SLC15A4: variants seen among roughly 807,000 people sequenced by gnomAD.
SLC15A4 encodes the protein solute carrier family 15 member 4.
Under a neutral mutation model 46.1 loss-of-function variants are expected in SLC15A4, and 26 were observed. That is an observed-to-expected ratio of 0.56 (90% confidence interval 0.41 to 0.78). SLC15A4 has a LOEUF of 0.78. SLC15A4 is among the 30% of genes least tolerant of loss of function. The pLI is 0.00. For missense variants in SLC15A4, 751 were observed against 755.7 expected, an observed-to-expected ratio of 0.99 and a Z score of 0.07; for synonymous variants, 370 against 333.4, an observed-to-expected ratio of 1.11 and a Z score of -1.20.
chr12:128,800,094 C>T (rs1435277808), intron 6 of SLC15A4, among the ~76,000 whole-genome samples: 4 of 152,254 alleles, frequency 2.6e-5, no homozygotes, highest in Non-Finnish European at 5.9e-5. Context: ...CCACCCGCCT[C>T]GGATTCCTAA....
chr12:128,817,296 CA>C (rs763706874), intron 1 of SLC15A4, among the ~76,000 whole-genome samples: 5 of 152,086 alleles, frequency 3.3e-5, no homozygotes, highest in Non-Finnish European at 5.9e-5. Context: ...CAGTGGACAC[CA>C]ATTCTCATGC....
rs1296607467 is a variant in SLC15A4 at position 128,823,431 on chromosome 12, G to C, written c.513C>G (p.Val171=). Residue 171 remains valine, a synonymous_variant, in exon 1 of 8, where the codon GTC becomes GTG. Coordinates refer to ENST00000266771, the MANE Select transcript of SLC15A4 (RefSeq NM_145648.4). ...CGCCGAAGGGCGTGATGTTGGCCTTGACGGTGGCCACGCCCAGGCCCACCA... is the reference window on the plus strand; with the variant it reads ...CGCCGAAGGGCGTGATGTTGGCCTTCACGGTGGCCACGCCCAGGCCCACCA... ...LVLVGLGVAT[V]KANITPFGAD... is the part of the protein sequence containing the mutation. The C allele has an allele frequency of 6.8e-7, 1 of 1,461,094 alleles. No homozygotes were observed. 90.5% of individuals were successfully genotyped at this position (1,461,094 alleles called of 1,614,324 possible).
Position 128,794,216 on chromosome 12 carries a change from G to A in SLC15A4, c.1714C>T (p.Pro572Ser). The change falls in exon 8 of 8, where the codon CCC (proline) becomes TCC (serine). Residue 572 changes from proline to serine, a missense_variant. Transcript: ENST00000266771. ...GAAGGTCAGGCCCTCCTGCTGGTGG[G>A]CACGCCATTGGCTCTTGATCGCTGA... Reference protein sequence around the residue: ...DHQRSRANGVPTSRRA With the variant: ...DHQRSRANGVSTSRRA The A allele has an allele frequency of 6.2e-7, 1 of 1,612,382 alleles. No homozygotes were observed. Among genetic ancestry groups the A allele is most frequent in the Non-Finnish European group, 8.5e-7 (1 of 1,179,066 alleles).
intron 1 of SLC15A4, among the ~76,000 whole-genome samples, chr12:128,820,132 G>C (rs1955813126): frequency 1.3e-5 from 2 of 152,184 alleles, no homozygotes; most frequent in Non-Finnish European, 2.9e-5. Context: ...GAGGCTGACT[G>C]TGCTACCAGC....
At chr12:128,798,320 C>T (rs1448631801) in intron 7 of SLC15A4, among the ~76,000 whole-genome samples, 1 of 152,220 alleles carries the variant, frequency 6.6e-6, no homozygotes, top group African/African-American at 2.4e-5. Flanking sequence ...ATGTCCTCCT[C>T]AGAGCAAGCA....
intron 5 of SLC15A4, chr12:128,801,211 C>T: frequency 4.1e-6 from 2 of 482,648 alleles, no homozygotes; most frequent in Non-Finnish European, 3.6e-6. Flanking sequence ...CATGGCATAG[C>T]ACACCTATTT....
In SLC15A4 at chr12:128,808,808, A is replaced by G. The variant is rs189625027; in HGVS notation, c.1238T>C (p.Met413Thr). The G allele has an allele frequency of 1.9e-6, 3 of 1,614,184 alleles. No individual in the cohort carries two copies. The highest frequency in any genetic ancestry group is 1.7e-5 in the Admixed American group (1 of 60,028). Residue 413 changes from methionine to threonine, a missense_variant, in exon 5 of 8, where the codon ATG becomes ACG. By Grantham distance (81) the Met-to-Thr change is moderately conservative. Transcript: ENST00000266771. ...CTTACCTGCAGCAAAGGCCGAGCAC[A>G]TGACAAAGAACATGCCCACGGCGAT... ...KRIAVGMFFV[M>T]CSAFAAGILE...
chr12:128,816,787 C>T (rs779979120), intron 1 of SLC15A4, among the ~76,000 whole-genome samples: 4 of 152,020 alleles, frequency 2.6e-5, no homozygotes, highest in Non-Finnish European at 4.4e-5. Flanking sequence ...TGTGATGGCA[C>T]CACTGCACTC....
chr12:128,801,291 C>G (rs1955516442), intron 5 of SLC15A4: 1 of 271,046 alleles, frequency 3.7e-6, no homozygotes, highest in Non-Finnish European at 7.0e-6. Context: ...CCTCAAATAT[C>G]TGGATTGCTC....
chr12:128,806,805 A>T (rs1330819568), intron 5 of SLC15A4, among the ~76,000 whole-genome samples: 4 of 151,374 alleles, frequency 2.6e-5, no homozygotes, highest in African/African-American at 9.7e-5. Flanking sequence ...GCCTCCCCAT[A>T]GGCGCCAACA....
In SLC15A4 at chr12:128,794,304, A is replaced by C. The variant is rs1343399327; in HGVS notation, c.1626T>G (p.Ile542Met). 3.1e-6 allele frequency: 5 copies of C among 1,613,648 alleles called. No homozygotes were observed. The Admixed American group carries it at 8.4e-5, about 27-fold the overall frequency. ...GGAAAAGCAGGAGGGTAGCTCCTTG[A>C]ATAGCAGCCAGAAGAAAAAAGTAAT... ...LNYYFFLLAA[I>M]QGATLLLFLI... The change falls in exon 8 of 8, where the codon ATT (isoleucine) becomes ATG (methionine). Residue 542 changes from isoleucine to methionine, a missense_variant. Ile to Met is a conservative substitution (Grantham distance 10). Coordinates refer to ENST00000266771, the MANE Select transcript of SLC15A4 (RefSeq NM_145648.4).
intron 6 of SLC15A4, among the ~76,000 whole-genome samples, chr12:128,799,919 G>A (rs1443299155): frequency 3.9e-5 from 6 of 151,994 alleles, no homozygotes; most frequent in Non-Finnish European, 5.9e-5. Flanking sequence ...TTGGCTCACC[G>A]CAACTTCCGC....
chr12:128,809,112 G>C (rs1042677552), intron 4 of SLC15A4, 156 bp from the exon 5 acceptor site: 1 of 705,420 alleles, frequency 1.4e-6, no homozygotes, highest in Non-Finnish European at 2.3e-6. Flanking sequence ...ACTGGGAAAA[G>C]ATTTCTTTCC....
chr12:128,813,790 A>G (rs1313110078), intron 2 of SLC15A4: 2 of 152,240 alleles, frequency 1.3e-5, no homozygotes, highest in Non-Finnish European at 2.9e-5. Context: ...AAGGTCCCAG[A>G]GACTTCTCTG....
Position 128,809,450 on chromosome 12 carries a change from CTG to C in SLC15A4, c.1033_1034del (p.Gln345GlufsTer28). On this transcript the variant is annotated frameshift_variant, in exon 4 of 8. Transcript: ENST00000266771. LOFTEE classifies it high-confidence loss of function. The part of the protein sequence containing the change: ...YFQMQTTYVL[Q>X]SLHLRIPEIS... ...TTTCTGGAATCCTCAAATGAAGACT[CTG>C]TAAAACATATGTTGTCTGCATCTAG... is the stretch of plus-strand genomic sequence containing the variant. 1 of 1,608,352 alleles carries C rather than the reference CTG, an allele frequency of 6.2e-7. No individual in the cohort carries two copies. The highest frequency in any genetic ancestry group is 8.5e-7 in the Non-Finnish European group (1 of 1,177,272).
intron 7 of SLC15A4, among the ~76,000 whole-genome samples, chr12:128,798,604 T>C (rs7960920): frequency 0.48 from 72,526 of 152,102 alleles, 19,333 homozygotes; most frequent in Non-Finnish European, 0.61. Context: ...AGGTTGTTTC[T>C]GTAGATAAAA....
intron 5 of SLC15A4, among the ~76,000 whole-genome samples, chr12:128,804,205 T>C (rs1955552263): frequency 6.6e-6 from 1 of 152,214 alleles, no homozygotes; most frequent in South Asian, 2.1e-4. Context: ...TCAACAAAAT[T>C]TGCCATCATT....
chr12:128,809,343 T>C, intron 4 of SLC15A4, 53 bp downstream of exon 4: 2 of 1,170,694 alleles, frequency 1.7e-6, no homozygotes, highest in Non-Finnish European at 2.5e-6. Context: ...AAGGAATCCA[T>C]TTATTACATA....
chr12:128,819,502 T>G (rs1390578495), intron 1 of SLC15A4: 4 of 152,216 alleles, frequency 2.6e-5, no homozygotes, highest in African/African-American at 9.6e-5. Flanking sequence ...AAGGACATTC[T>G]TTTAACGGCA....
Sources: allele counts gnomAD v4.1 joint callset (sites outside exome capture counted in the v4.1 genomes callset), GRCh38; gene constraint gnomAD v4.1.1; transcripts MANE v1.5; gene names NCBI Gene and HGNC (gene_info 2026-07-23, HGNC 2026-07-21).